The following CD27 variants were observed in gnomAD, a reference collection of about 807,000 sequenced individuals.
CD27 encodes CD27 molecule, also known as CD27 antigen.
In CD27, 16 loss-of-function variants were observed where a neutral mutation model predicts 25.9. The ratio of observed to expected loss-of-function variants is 0.62; its 90% CI spans 0.42 to 0.94. CD27 has a LOEUF of 0.94. Among genes scored for constraint, CD27 ranks in the 40% least tolerant of loss-of-function variants. The probability of loss-of-function intolerance (pLI) is 0.00; values close to 1 mark genes in which losing one functional copy is unlikely to be tolerated. For missense variants in CD27, 300 were observed against 333.2 expected, an observed-to-expected ratio of 0.90 and a Z score of 0.78; for synonymous variants, 142 against 124.3, an observed-to-expected ratio of 1.14 and a Z score of -0.95.
chr12:6,447,788 CA>C (rs1425605713), intron 2 of CD27: 8 of 151,906 alleles, frequency 5.3e-5, no homozygotes, highest in Non-Finnish European at 1.2e-4. Flanking sequence ...CCTCCCTCCC[CA>C]CACCCCACGA....
chr12:6,450,347 T>C lies in CD27; in HGVS notation c.443T>C (p.Val148Ala). The change falls in exon 3 of 6, where the codon GTC becomes GCC. Residue 148 changes from valine to alanine, a missense_variant. By Grantham distance (64) the Val-to-Ala change is moderately conservative. Transcript: ENST00000266557. This position sits in a 1 kb window ranked among gnomAD's most constrained non-coding sequence, Gnocchi z 4.1. ...PHPQPTHLPY[V>A]SEMLEARTAG... ...CCTCAGCCCACCCACTTACCTTATG[T>C]CAGTGGTAAGTTCCAGGCAACTCTC... 1 of 1,611,402 alleles carries C rather than the reference T, an allele frequency of 6.2e-7. No individual in the cohort carries two copies. The highest frequency in any genetic ancestry group is 8.5e-7 in the Non-Finnish European group (1 of 1,179,610).
Position 6,451,424 on chromosome 12 carries a change from T to G in CD27, c.*32T>G, listed in dbSNP as rs768064484. ...ACCTGCGGGAGCTGCACTACAGCCC[T>G]GGCCTCCACCCCCACCCCGCCGACC... is the stretch of plus-strand genomic sequence containing the variant. On this transcript the variant is annotated 3_prime_UTR_variant, in exon 6 of 6. Coordinates refer to ENST00000266557, the MANE Select transcript of CD27 (RefSeq NM_001242.5). 6.2e-7 allele frequency: 1 copy of G among 1,600,420 alleles called. No homozygotes were observed. Among genetic ancestry groups the G allele is most frequent in the Non-Finnish European group, 8.5e-7 (1 of 1,174,186 alleles).
chr12:6,447,691 T>A (rs1473358941), intron 2 of CD27: 1 of 152,218 alleles, frequency 6.6e-6, no homozygotes, highest in East Asian at 1.9e-4. Flanking sequence ...TGTGCAGGTT[T>A]GTTACATAGG....
At chr12:6,446,031 T>C (rs1949410748) in intron 2 of CD27, among the ~76,000 whole-genome samples, 1 of 152,124 alleles carries the variant, frequency 6.6e-6, no homozygotes, top group Non-Finnish European at 1.5e-5. Context: ...ATGTAGCCTG[T>C]GTTTTTATTT....
Position 6,451,493 on chromosome 12 carries a change from T to C in CD27, c.*101T>C. 1 of 1,283,324 alleles carries C rather than the reference T, an allele frequency of 7.8e-7. No individual in the cohort carries two copies. The highest frequency in any genetic ancestry group is 1.1e-6 in the Non-Finnish European group (1 of 926,980). The allele number at this position is 1,283,324 out of a possible 1,614,324, so 79.5% of individuals were successfully genotyped here. ...CCTGGCAGCCACAACTGCAGTCCCA[T>C]CCTCTTGTCAGGGCCCTTTCCTGTG... is the stretch of plus-strand genomic sequence containing the variant. On this transcript the variant is annotated 3_prime_UTR_variant, in exon 6 of 6. Transcript: ENST00000266557.
chr12:6,450,751 G>A lies in CD27; in HGVS notation c.538+121G>A. ...AGGAGGGGAAAAAGCAGAGTCCACT[G>A]TTTAGGAGAGGAGTTGGCCAACGGT... On this transcript the variant is annotated intron_variant, in intron 4 of 5. Transcript: ENST00000266557. The surrounding 1 kb of genome is among the most constrained non-coding windows in gnomAD (Gnocchi z 4.1). 2 of 1,420,776 alleles carry A rather than the reference G, an allele frequency of 1.4e-6. No individual in the cohort carries two copies. Among genetic ancestry groups the A allele is most frequent in the Non-Finnish European group, 2.0e-6 (2 of 1,021,790 alleles). 88.0% of individuals were successfully genotyped at this position (1,420,776 alleles called of 1,614,324 possible).
In CD27 at chr12:6,450,609, A is replaced by C. The variant is rs753648171; in HGVS notation, c.517A>C (p.Thr173Pro). ...LADFRQLPARTLSTHWPPQRS... is the reference protein window; with the variant it reads ...LADFRQLPARPLSTHWPPQRS... ...TGACTTCAGGCAGCTGCCTGCCCGG[A>C]CTCTCTCTACCCACTGGCCACGTGA... The change falls in exon 4 of 6, where the codon ACT (threonine) becomes CCT (proline). Residue 173 changes from threonine (T) to proline (P), a missense_variant. By Grantham distance (38) the Thr-to-Pro change is conservative. Coordinates refer to ENST00000266557, the MANE Select transcript of CD27 (RefSeq NM_001242.5). The surrounding 1 kb of genome is among the most constrained non-coding windows in gnomAD (Gnocchi z 4.1). 3.7e-6 allele frequency: 6 copies of C among 1,612,178 alleles called. No homozygotes were observed. The East Asian group carries it at 1.3e-4, about 36-fold the overall frequency.
chr12:6,444,933 A>G (rs564414116), upstream of CD27: 3 of 700,620 alleles, frequency 4.3e-6, no homozygotes, highest in African/African-American at 1.8e-5. Flanking sequence ...GAAAAAAAAA[A>G]CAGCCACAAT....
At position 6,445,635 on chromosome 12, in the gene CD27, CAAGGAGGATGACGGGGCCA is replaced by C; in HGVS notation, c.268+84_268+102del. Reference sequence around the variant, plus strand: ...AAGGCTGGTGACGGGTTTGGGGGTGCAAGGAGGATGACGGGGCCAAAGCTTTGGCCTTCTTCAAGGCTCA... The same window carrying C: ...AAGGCTGGTGACGGGTTTGGGGGTGCAAGCTTTGGCCTTCTTCAAGGCTCA... On this transcript the variant is annotated intron_variant, in intron 2 of 5. Coordinates refer to ENST00000266557, the MANE Select transcript of CD27 (RefSeq NM_001242.5). This position sits in a 1 kb window ranked among gnomAD's most constrained non-coding sequence, Gnocchi z 4.5. The C allele has an allele frequency of 1.3e-6, 2 of 1,528,588 alleles. No individual in the cohort carries two copies. Among genetic ancestry groups the C allele is most frequent in the Non-Finnish European group, 1.8e-6 (2 of 1,136,296 alleles). 94.7% of individuals were successfully genotyped at this position (1,528,588 alleles called of 1,614,324 possible). A position where few individuals can be genotyped will look rare whatever the true frequency, so the allele number is the denominator to read the frequency against.
At chr12:6,451,194 C>A (rs1949538266) in intron 5 of CD27, 74 bp from the exon 6 acceptor site, 2 of 1,582,766 alleles carry the variant, frequency 1.3e-6, no homozygotes, top group Non-Finnish European at 1.7e-6. Flanking sequence ...AGCGCACCCG[C>A]CTCTACCCAT....
Position 6,450,617 on chromosome 12 carries a change from T to A in CD27, c.525T>A (p.Ser175=). 6.2e-7 allele frequency: 1 copy of A among 1,612,408 alleles called. No individual in the cohort carries two copies. The highest frequency in any genetic ancestry group is 1.1e-5 in the South Asian group (1 of 91,090). The change falls in exon 4 of 6, where the codon TCT becomes TCA. Residue 175 remains serine, a synonymous_variant. Coordinates refer to ENST00000266557, the MANE Select transcript of CD27 (RefSeq NM_001242.5). This position sits in a 1 kb window ranked among gnomAD's most constrained non-coding sequence, Gnocchi z 4.1. ...DFRQLPARTL[S]THWPPQRSLC... ...GGCAGCTGCCTGCCCGGACTCTCTC[T>A]ACCCACTGGCCACGTGAGTTTTCTC...
chr12:6,444,655 G>C (rs1272761305), upstream of CD27, among the ~76,000 whole-genome samples: 1 of 91,274 alleles, frequency 1.1e-5, no homozygotes, highest in Non-Finnish European at 2.4e-5. Flanking sequence ...CTGTGGACGG[G>C]GGGGTGGGTG....
upstream of CD27, among the ~76,000 whole-genome samples, chr12:6,444,039 T>C (rs1190078904): frequency 6.6e-6 from 1 of 152,158 alleles, no homozygotes; most frequent in Non-Finnish European, 1.5e-5. Flanking sequence ...CGTAGGAAGC[T>C]ACCTTTAATC....
Position 6,450,507 on chromosome 12 carries a change from C to A in CD27, c.449-34C>A, listed in dbSNP as rs755181640. 6.2e-7 allele frequency: 1 copy of A among 1,602,878 alleles called. No homozygotes were observed. The highest frequency in any genetic ancestry group is 1.1e-5 in the South Asian group (1 of 90,628). Reference sequence around the variant, plus strand: ...CCTTCAGATGTGCCCTATGGGGTCCCCTGCTGCTACTCATTCTGTCTCTGT... The same window carrying A: ...CCTTCAGATGTGCCCTATGGGGTCCACTGCTGCTACTCATTCTGTCTCTGT... On this transcript the variant is annotated intron_variant, in intron 3 of 5. Coordinates refer to ENST00000266557, the MANE Select transcript of CD27 (RefSeq NM_001242.5). The surrounding 1 kb of genome is among the most constrained non-coding windows in gnomAD (Gnocchi z 4.1).
At chr12:6,444,564 C>T (rs565835969), upstream of CD27, among the ~76,000 whole-genome samples, 1 of 149,242 alleles carries the variant, frequency 6.7e-6, no homozygotes, top group Non-Finnish European at 1.5e-5. Context: ...AATTCTGGTT[C>T]TCCTTCCTTC....
At chr12:6,444,844 AGGT>A (rs1949389043), upstream of CD27, 1 of 422,040 alleles carries the variant, frequency 2.4e-6, no homozygotes, top group African/African-American at 2.1e-5. Context: ...GAAGAGCAGC[AGGT>A]CTCACAGAGT....
chr12:6,451,126 G>C, intron 5 of CD27, 112 bp downstream of exon 5: 2 of 1,557,062 alleles, frequency 1.3e-6, no homozygotes, highest in Non-Finnish European at 1.8e-6. Flanking sequence ...CACTTCACCA[G>C]CCTTGGTCCT....
In CD27 at chr12:6,450,444, C is replaced by A; in HGVS notation, c.448+92C>A. ...ACTCCTACCCCTAGATAAGGTCAGC[C>A]TGTTTCTGCCTTCCCATCCCATCCA... is the stretch of plus-strand genomic sequence containing the variant. On this transcript the variant is annotated intron_variant, in intron 3 of 5. Transcript: ENST00000266557. This position sits in a 1 kb window ranked among gnomAD's most constrained non-coding sequence, Gnocchi z 4.1. 1 of 1,533,812 alleles carries A rather than the reference C, an allele frequency of 6.5e-7. No homozygotes were observed. The highest frequency in any genetic ancestry group is 8.9e-7 in the Non-Finnish European group (1 of 1,118,584).
chr12:6,448,401 C>G (rs1949453162), intron 2 of CD27, among the ~76,000 whole-genome samples: 1 of 152,094 alleles, frequency 6.6e-6, no homozygotes, highest in African/African-American at 2.4e-5. Flanking sequence ...CCCAGCCCAG[C>G]TAGTGCCCTA....
Sources: allele counts gnomAD v4.1 joint callset (sites outside exome capture counted in the v4.1 genomes callset), GRCh38; gene constraint gnomAD v4.1.1; non-coding constraint Gnocchi (gnomAD v3.1); transcripts MANE v1.5; gene names NCBI Gene and HGNC (gene_info 2026-07-23, HGNC 2026-07-21).